AGBL4: variants seen among roughly 807,000 people sequenced by gnomAD.
The protein encoded by AGBL4 is AGBL carboxypeptidase 4.
AGBL4 carries 58 observed loss-of-function variants against 66.4 expected under a neutral mutation model. That is an observed-to-expected ratio of 0.87 (90% CI 0.71 to 1.09). The LOEUF is 1.09. Among genes scored for constraint, AGBL4 ranks in the 50% least tolerant of loss-of-function variants. AGBL4 has a pLI of 0.00. For synonymous variants in AGBL4, 234 were observed against 222.9 expected, an observed-to-expected ratio of 1.05 and a Z score of -0.44; for missense variants, 579 against 631.0, an observed-to-expected ratio of 0.92 and a Z score of 0.88.
intron 6 of AGBL4, among the ~76,000 whole-genome samples, chr1:48,772,908 C>T (rs1422611343): frequency 1.3e-5 from 2 of 152,260 alleles, no homozygotes. Flanking sequence ...CTTTATTTAG[C>T]ACTTACTTTG....
intron 5 of AGBL4, among the ~76,000 whole-genome samples, chr1:48,897,499 G>C (rs1651634664): frequency 1.3e-5 from 2 of 152,162 alleles, no homozygotes. Flanking sequence ...GTATTCAGTA[G>C]TGGAATTGCT....
chr1:49,739,517 A>G (rs1028847114), intron 2 of AGBL4, among the ~76,000 whole-genome samples: 2 of 152,218 alleles, frequency 1.3e-5, no homozygotes, highest in Admixed American at 1.3e-4. Context: ...CCAATCTAGC[A>G]AGGCAGGCCA....
intron 4 of AGBL4, among the ~76,000 whole-genome samples, chr1:49,097,923 C>G (rs1645136204): frequency 1.3e-5 from 2 of 152,236 alleles, no homozygotes; most frequent in African/African-American, 2.4e-5. Context: ...CATTCTGTTA[C>G]TTAGGCACAG....
At chr1:48,766,667 G>A (rs1260418011) in intron 6 of AGBL4, among the ~76,000 whole-genome samples, 1 of 152,164 alleles carries the variant, frequency 6.6e-6, no homozygotes, top group Non-Finnish European at 1.5e-5. Flanking sequence ...TGATTCACAT[G>A]CCTCTTGACC....
At chr1:49,911,834 C>T (rs1650864717) in intron 1 of AGBL4, among the ~76,000 whole-genome samples, 1 of 152,198 alleles carries the variant, frequency 6.6e-6, no homozygotes, top group South Asian at 2.1e-4. Flanking sequence ...GGTGAAAAGG[C>T]TCACCTACCC....
intron 5 of AGBL4, among the ~76,000 whole-genome samples, chr1:48,961,980 G>A (rs1002173808): frequency 2.0e-5 from 3 of 152,188 alleles, no homozygotes; most frequent in Non-Finnish European, 2.9e-5. Flanking sequence ...TTCAATGGAT[G>A]AGAAGGGAGG....
chr1:48,951,220 T>C (rs1327499150), intron 5 of AGBL4, among the ~76,000 whole-genome samples: 1 of 152,096 alleles, frequency 6.6e-6, no homozygotes, highest in Non-Finnish European at 1.5e-5. Flanking sequence ...AGCAAAAGCA[T>C]CAGAAGGTAG....
intron 2 of AGBL4, among the ~76,000 whole-genome samples, chr1:49,839,072 T>C (rs1041675824): frequency 6.6e-6 from 1 of 152,210 alleles, no homozygotes; most frequent in Non-Finnish European, 1.5e-5. Context: ...GCTGTTACTA[T>C]AGAAAATACC....
At chr1:49,183,783 T>C (rs1490304040) in intron 4 of AGBL4, among the ~76,000 whole-genome samples, 1 of 152,198 alleles carries the variant, frequency 6.6e-6, no homozygotes, top group Non-Finnish European at 1.5e-5. Flanking sequence ...TTTGTTTAGA[T>C]AGCTCTTATA....
At chr1:49,719,720 G>A (rs1186517063) in intron 2 of AGBL4, among the ~76,000 whole-genome samples, 1 of 152,060 alleles carries the variant, frequency 6.6e-6, no homozygotes, top group Non-Finnish European at 1.5e-5. Context: ...TTGAATTGTA[G>A]TTCCTATAAT....
chr1:49,321,678 A>G (rs1427455866), intron 3 of AGBL4, among the ~76,000 whole-genome samples: 1 of 152,230 alleles, frequency 6.6e-6, no homozygotes, highest in Non-Finnish European at 1.5e-5. Context: ...AACTTGTTCA[A>G]TGTCCATCCA....
At chr1:49,849,478 T>TAC (rs772101356) in intron 2 of AGBL4, among the ~76,000 whole-genome samples, 113 of 135,844 alleles carry the variant, frequency 8.3e-4, no homozygotes, top group East Asian at 5.1e-3. Flanking sequence ...AAAGTATACA[T>TAC]ACACACACAC....
chr1:49,592,186 C>A (rs1186999445), intron 3 of AGBL4, among the ~76,000 whole-genome samples: 1 of 151,690 alleles, frequency 6.6e-6, no homozygotes, highest in Non-Finnish European at 1.5e-5. Flanking sequence ...GCAAACTATG[C>A]ACTCAACAAA....
chr1:49,969,514 A>T lies in AGBL4; in HGVS notation c.34+54249T>A, dbSNP rs377487496. 5.9e-5 allele frequency among the ~76,000 whole-genome samples: 9 copies of T among 151,608 alleles called. No homozygotes were observed. In the East Asian group the frequency reaches 7.8e-4, roughly 13 times the overall value. ...CTAAAACTTTTTACCCTTAACTAAT[A>T]CCTCCCCATTTCCCCCACCCCACAT... On this transcript the variant is annotated intron_variant, in intron 1 of 13. Transcript: ENST00000371839.
intron 5 of AGBL4, among the ~76,000 whole-genome samples, chr1:49,000,918 A>G (rs1661350398): frequency 6.6e-6 from 1 of 152,206 alleles, no homozygotes. Context: ...AAATTCAGGG[A>G]ACTTAGGAGT....
chr1:50,011,549 G>A (rs1316557829), intron 1 of AGBL4, among the ~76,000 whole-genome samples: 1 of 152,162 alleles, frequency 6.6e-6, no homozygotes, highest in African/African-American at 2.4e-5. Context: ...CCAAAAGAAA[G>A]GAAATCAGTA....
At chr1:49,965,404 C>T (rs1242257796) in intron 1 of AGBL4, among the ~76,000 whole-genome samples, 1 of 152,196 alleles carries the variant, frequency 6.6e-6, no homozygotes, top group African/African-American at 2.4e-5. Context: ...GAAAGCATCA[C>T]ATCCATCTTA....
intron 2 of AGBL4, among the ~76,000 whole-genome samples, chr1:49,778,963 A>G (rs1001441460): frequency 6.6e-6 from 1 of 152,202 alleles, no homozygotes; most frequent in African/African-American, 2.4e-5. Context: ...AAATTAAATT[A>G]AATTTAAAAG....
At chr1:49,564,884 T>C (rs1463537504) in intron 3 of AGBL4, among the ~76,000 whole-genome samples, 1 of 152,194 alleles carries the variant, frequency 6.6e-6, no homozygotes, top group Non-Finnish European at 1.5e-5. Flanking sequence ...GTCTTGTTGA[T>C]CTGTCTAATG....
Sources: gnomAD v4.1 joint callset for allele counts (sites outside exome capture counted in the v4.1 genomes callset) on GRCh38, gnomAD v4.1.1 for gene constraint, MANE v1.5 for transcripts, NCBI Gene and HGNC (gene_info 2026-07-23, HGNC 2026-07-21) for gene names.